ZNF646: variants seen among roughly 807,000 people sequenced by gnomAD.
The protein encoded by ZNF646 is zinc finger protein 646.
A neutral mutation model predicts 115.4 loss-of-function variants in ZNF646; 49 were observed. The observed-to-expected ratio is 0.42, with a 90% CI of 0.34 to 0.54. The LOEUF (loss-of-function observed/expected upper bound fraction) is 0.54, where lower values mean the gene tolerates loss of function less well. ZNF646 is among the 20% of genes least tolerant of loss of function. ZNF646 has a pLI of 0.04. For missense variants in ZNF646, 2,269 were observed against 2,457.9 expected (o/e 0.92, Z 1.62); for synonymous variants, 933 against 939.0 (o/e 0.99, Z 0.12).
rs566216572 is a variant in ZNF646 at position 31,078,753 on chromosome 16, A to G, written c.2429A>G (p.Asn810Ser). ...CCCAACTCCTCTTCCCACTCTGCCAATGCTGTCACTGGCTGGCAGGCTGGG... is the reference window on the plus strand; with the variant it reads ...CCCAACTCCTCTTCCCACTCTGCCAGTGCTGTCACTGGCTGGCAGGCTGGG... ...GQPNSSSHSA[N>S]AVTGWQAGAA... Residue 810 changes from asparagine to serine, a missense_variant, in exon 2 of 3, where the codon AAT becomes AGT. By Grantham distance (46) the Asn-to-Ser change is conservative. Transcript: ENST00000300850. The G allele has an allele frequency of 5.8e-5, 94 of 1,613,872 alleles. 1 individual carries two copies. In the Admixed American group the frequency reaches 7.2e-4, roughly 12 times the overall value.
chr16:31,076,587 T>C lies in ZNF646; in HGVS notation c.263T>C (p.Met88Thr). Residue 88 changes from methionine to threonine, a missense_variant, in exon 2 of 3, where the codon ATG becomes ACG. Around this residue, in one of 5 missense-constraint regions of ZNF646, gnomAD observed 334 missense variants for 323.5 expected, o/e 1.03. Coordinates refer to ENST00000300850, the MANE Select transcript of ZNF646 (RefSeq NM_014699.4). ...TGTGGCAAGGACTTCTCCAATCCCA[T>C]GGCTCTCAAGAGCCATATGAGGACA... ...TTCGKDFSNP[M>T]ALKSHMRTHA... 1 of 1,612,602 alleles carries C rather than the reference T, an allele frequency of 6.2e-7. No individual in the cohort carries two copies. Among genetic ancestry groups the C allele is most frequent in the Middle Eastern group, 1.7e-4 (1 of 6,058 alleles).
At chr16:31,082,055 T>A in intron 2 of ZNF646, 1 of 418,338 alleles carries the variant, frequency 2.4e-6, no homozygotes, top group East Asian at 3.7e-5. Flanking sequence ...CCCTCCTGAG[T>A]CAGCCAGTAA....
In ZNF646 at chr16:31,080,781, C is replaced by T. The variant is rs1264184845; in HGVS notation, c.4457C>T (p.Ser1486Leu). The T allele has an allele frequency of 6.2e-7, 1 of 1,613,896 alleles. No individual in the cohort carries two copies. Among genetic ancestry groups the T allele is most frequent in the Non-Finnish European group, 8.5e-7 (1 of 1,179,916 alleles). The stretch of plus-strand genomic sequence containing the variant: ...TGGGTTCCTCAGTTCCTAACTAGGT[C>T]AGAGGAGCCAGAGGACAGTGTCCAC... Reference protein sequence around the residue: ...GGWVPQFLTRSEEPEDSVHRS... With the variant: ...GGWVPQFLTRLEEPEDSVHRS... Residue 1486 changes from serine (S) to leucine (L), a missense_variant, in exon 2 of 3, where the codon TCA becomes TTA. Around this residue, in one of 5 missense-constraint regions of ZNF646, gnomAD observed 1,062 missense variants for 1,172.8 expected, o/e 0.91. Coordinates refer to ENST00000300850, the MANE Select transcript of ZNF646 (RefSeq NM_014699.4).
Position 31,076,791 on chromosome 16 carries a change from C to T in ZNF646, c.467C>T (p.Pro156Leu). The T allele has an allele frequency of 1.2e-6, 2 of 1,613,974 alleles. No individual in the cohort carries two copies. The highest frequency in any genetic ancestry group is 1.3e-5 in the African/African-American group (1 of 75,028). Reference sequence around the variant, plus strand: ...CCTGACTGTGAATCTGTACCTGACCCCAGGGCAGCTTCGGGTACGTGGGAA... The same window carrying T: ...CCTGACTGTGAATCTGTACCTGACCTCAGGGCAGCTTCGGGTACGTGGGAA... ...ETPDCESVPD[P>L]RAASGTWEDL... The change falls in exon 2 of 3, where the codon CCC (proline) becomes CTC (leucine). Residue 156 changes from proline to leucine, a missense_variant. This residue lies in a region of ZNF646 where 334 missense variants were observed against 323.5 expected (regional missense o/e 1.03). Transcript: ENST00000300850.
rs2057190683 is a variant in ZNF646, at chr16:31,083,356, G to A, written c.*264G>A. Reference sequence around the variant, plus strand: ...CAGCCAGATTGCAACACCAGGGAGAGGCGGATGCAGAGCCCCACCGGTGGG... The same window carrying A: ...CAGCCAGATTGCAACACCAGGGAGAAGCGGATGCAGAGCCCCACCGGTGGG... On this transcript the variant is annotated 3_prime_UTR_variant, in exon 3 of 3. Coordinates refer to ENST00000300850, the MANE Select transcript of ZNF646 (RefSeq NM_014699.4). 2 of 1,007,252 alleles carry A rather than the reference G, an allele frequency of 2.0e-6. No individual in the cohort carries two copies. Among genetic ancestry groups the A allele is most frequent in the Admixed American group, 7.4e-5 (2 of 26,912 alleles). The allele number at this position is 1,007,252 out of a possible 1,614,324, so 62.4% of individuals were successfully genotyped here. A position where few individuals can be genotyped will look rare whatever the true frequency, so the allele number is the denominator to read the frequency against.
At position 31,081,330 on chromosome 16, in the gene ZNF646, C is replaced by T. The variant is rs369311305; in HGVS notation, c.5006C>T (p.Ala1669Val). The change falls in exon 2 of 3, where the codon GCG becomes GTG. Residue 1669 changes from alanine to valine, a missense_variant. This residue lies in a region of ZNF646 where 1,062 missense variants were observed against 1,172.8 expected (regional missense o/e 0.91). Transcript: ENST00000300850. ...ARGGQAVTSM[A>V]AEDKERPFRC... is the part of the protein sequence containing the mutation. ...GGAGGACAAGCGGTGACGTCCATGG[C>T]GGCTGAGGACAAGGAGCGGCCCTTC... 1.5e-5 allele frequency: 25 copies of T among 1,613,808 alleles called. No individual in the cohort carries two copies. Among genetic ancestry groups the T allele is most frequent in the Middle Eastern group, 3.3e-4 (2 of 6,058 alleles).
chr16:31,073,371 A>G (rs1019715266), upstream of ZNF646: 1 of 152,162 alleles, frequency 6.6e-6, no homozygotes, highest in Non-Finnish European at 1.5e-5. Flanking sequence ...CAAAAACCCA[A>G]AACATGGCGG....
chr16:31,080,306 T>A lies in ZNF646; in HGVS notation c.3982T>A (p.Cys1328Ser). The A allele has an allele frequency of 6.2e-7, 1 of 1,613,306 alleles. No homozygotes were observed. ...RRSHETGQYS[C>S]PTCPKTYSNR... Reference sequence around the variant, plus strand: ...CAGCCACGAGACGGGCCAGTACAGCTGCCCCACCTGCCCCAAGACCTACTC... The same window carrying A: ...CAGCCACGAGACGGGCCAGTACAGCAGCCCCACCTGCCCCAAGACCTACTC... The change falls in exon 2 of 3, where the codon TGC becomes AGC. Residue 1328 changes from cysteine (C) to serine (S), a missense_variant. Cys to Ser is a moderately radical substitution (Grantham distance 112). Around this residue, in one of 5 missense-constraint regions of ZNF646, gnomAD observed 1,062 missense variants for 1,172.8 expected, o/e 0.91. Coordinates refer to ENST00000300850, the MANE Select transcript of ZNF646 (RefSeq NM_014699.4).
intron 1 of ZNF646, among the ~76,000 whole-genome samples, chr16:31,075,531 C>T (rs915446197): frequency 6.6e-6 from 1 of 152,188 alleles, no homozygotes; most frequent in Non-Finnish European, 1.5e-5. Context: ...CTCCTGAACT[C>T]AGGTGATCCA....
In ZNF646 at chr16:31,083,752, C is replaced by T; in HGVS notation, c.*660C>T. 1.2e-6 allele frequency: 2 copies of T among 1,614,080 alleles called. No homozygotes were observed. The highest frequency in any genetic ancestry group is 8.5e-7 in the Non-Finnish European group (1 of 1,180,000). ...CAGGGGCAGTAATGCCATTTGCCTG[C>T]CTGCATTCTCTTGTCCTGAGAATGG... On this transcript the variant is annotated 3_prime_UTR_variant, in exon 3 of 3. Coordinates refer to ENST00000300850, the MANE Select transcript of ZNF646 (RefSeq NM_014699.4).
At chr16:31,073,610 G>C (rs2057036532), upstream of ZNF646, 1 of 152,214 alleles carries the variant, frequency 6.6e-6, no homozygotes, top group South Asian at 2.1e-4. Context: ...GATCGTGGCC[G>C]CGTGGGAGCT....
upstream of ZNF646, chr16:31,073,554 A>C (rs1166648221): frequency 6.6e-6 from 1 of 152,090 alleles, no homozygotes; most frequent in African/African-American, 2.4e-5. Flanking sequence ...GCGCTGGGCC[A>C]ACCCGGCCCG....
In ZNF646 at chr16:31,076,840, A is replaced by G; in HGVS notation, c.516A>G (p.Glu172=). The G allele has an allele frequency of 1.2e-6, 2 of 1,614,152 alleles. No individual in the cohort carries two copies. Among genetic ancestry groups the G allele is most frequent in the Non-Finnish European group, 1.7e-6 (2 of 1,180,034 alleles). ...AAGATCTGCCCACCAGACAAAGAGA[A>G]GGCTTGGCAAGCCACCCAGGTCCTG... ...TWEDLPTRQR[E]GLASHPGPED... Residue 172 remains glutamate, a synonymous_variant, in exon 2 of 3, where the codon GAA becomes GAG. Transcript: ENST00000300850.
At position 31,079,824 on chromosome 16, in the gene ZNF646, T is replaced by C; in HGVS notation, c.3500T>C (p.Val1167Ala). Residue 1167 changes from valine (V) to alanine (A), a missense_variant, in exon 2 of 3, where the codon GTG becomes GCG. Around this residue, in one of 5 missense-constraint regions of ZNF646, gnomAD observed 1,062 missense variants for 1,172.8 expected, o/e 0.91. Coordinates refer to ENST00000300850, the MANE Select transcript of ZNF646 (RefSeq NM_014699.4). The surrounding 1 kb of genome is among the most constrained non-coding windows in gnomAD (Gnocchi z 5.5). ...KVEPLEEVARVKEEVWEETTV... is the reference protein window; with the variant it reads ...KVEPLEEVARAKEEVWEETTV... ...GAGCCCCTGGAGGAAGTGGCCAGGG[T>C]GAAAGAAGAGGTGTGGGAGGAGACC... is the stretch of plus-strand genomic sequence containing the variant. 3 of 1,611,952 alleles carry C rather than the reference T, an allele frequency of 1.9e-6. No individual in the cohort carries two copies. The South Asian group carries it at 3.3e-5, about 18-fold the overall frequency.
rs1567406237 is a variant in ZNF646, at chr16:31,077,049, G to A, written c.725G>A (p.Ser242Asn). The A allele has an allele frequency of 1.2e-6, 2 of 1,613,998 alleles. No homozygotes were observed. The highest frequency in any genetic ancestry group is 1.7e-6 in the Non-Finnish European group (2 of 1,179,942). ...GAGGAGGAGCGGCGGTACAAATGTA[G>A]TCAGTGTGGCAAGACCTACAAGCAC... ...PAEEERRYKCSQCGKTYKHAG... is the reference protein window; with the variant it reads ...PAEEERRYKCNQCGKTYKHAG... The change falls in exon 2 of 3, where the codon AGT (serine) becomes AAT (asparagine). Residue 242 changes from serine to asparagine, a missense_variant. By Grantham distance (46) the Ser-to-Asn change is conservative (BLOSUM62 1). Around this residue, in one of 5 missense-constraint regions of ZNF646, gnomAD observed 334 missense variants for 323.5 expected, o/e 1.03. Transcript: ENST00000300850.
rs1198124876 is a variant in ZNF646, at chr16:31,079,114, T to C, written c.2790T>C (p.Ser930=). ...TGGCAGAGGCAGCCCCTGCACGCAG[T>C]CCACCACTGCAGCTCTCGGAAGCAG... ...EGVAEAAPAR[S]PPLQLSEAEL... Residue 930 remains serine (S), a synonymous_variant, in exon 2 of 3, where the codon AGT becomes AGC. Transcript: ENST00000300850. This position sits in a 1 kb window ranked among gnomAD's most constrained non-coding sequence, Gnocchi z 5.5. 9.4e-6 allele frequency: 15 copies of C among 1,592,532 alleles called. No individual in the cohort carries two copies. The highest frequency in any genetic ancestry group is 1.3e-5 in the Non-Finnish European group (15 of 1,166,916).
At position 31,078,502 on chromosome 16, in the gene ZNF646, TGGGGACTGTTTGCAGGCTGAATCTGAA is replaced by T; in HGVS notation, c.2185_2211del (p.Cys729_Asp737del). On this transcript the variant is annotated inframe_deletion, in exon 2 of 3. Transcript: ENST00000300850. ...GGGCTGAAGGCAACCTGGAAAGTGATGGGGACTGTTTGCAGGCTGAATCTGAAGGGGACAAATGTGGGCTTGAGAGGG... is the reference window on the plus strand; with the variant it reads ...GGGCTGAAGGCAACCTGGAAAGTGATGGGGACAAATGTGGGCTTGAGAGGG... 1 of 1,592,228 alleles carries T rather than the reference TGGGGACTGTTTGCAGGCTGAATCTGAA, an allele frequency of 6.3e-7. No homozygotes were observed. Among genetic ancestry groups the T allele is most frequent in the Non-Finnish European group, 8.6e-7 (1 of 1,166,642 alleles).
rs1158265675 is a variant in ZNF646, at chr16:31,083,716, G to A, written c.*624G>A. 6.2e-7 allele frequency: 1 copy of A among 1,612,366 alleles called. No homozygotes were observed. Among genetic ancestry groups the A allele is most frequent in the East Asian group, 2.2e-5 (1 of 44,860 alleles). On this transcript the variant is annotated 3_prime_UTR_variant, in exon 3 of 3. Transcript: ENST00000300850. ...TGGTGCCTGGAATCACACATGACAG[G>A]GTGGGGAGGACAGGGGCAGTAATGC...
Position 31,079,945 on chromosome 16 carries a change from G to A in ZNF646, c.3621G>A (p.Val1207=). The A allele has an allele frequency of 6.2e-7, 1 of 1,611,734 alleles. No individual in the cohort carries two copies. Among genetic ancestry groups the A allele is most frequent in the South Asian group, 1.1e-5 (1 of 91,018 alleles). ...CTGAGCGGCCCTTCAGCTGCGAGGT[G>A]TGTGGCCGATCCTACAAGCACGCCG... ...ASSERPFSCE[V]CGRSYKHAGS... Residue 1207 remains valine, a synonymous_variant, in exon 2 of 3, where the codon GTG becomes GTA. Coordinates refer to ENST00000300850, the MANE Select transcript of ZNF646 (RefSeq NM_014699.4). This position sits in a 1 kb window ranked among gnomAD's most constrained non-coding sequence, Gnocchi z 5.5.
Sources: gnomAD v4.1 joint callset for allele counts (sites outside exome capture counted in the v4.1 genomes callset) on GRCh38, gnomAD v4.1.1 for gene constraint, gnomAD v4.1.1 regional missense constraint, Gnocchi (gnomAD v3.1) non-coding constraint, MANE v1.5 for transcripts, NCBI Gene and HGNC (gene_info 2026-07-23, HGNC 2026-07-21) for gene names.